The following MAGI1 variants were observed in gnomAD, a reference collection of about 807,000 sequenced individuals.
MAGI1 encodes membrane associated guanylate kinase, WW and PDZ domain containing 1, also known as membrane-associated guanylate kinase, WW and PDZ domain-containing protein 1.
MAGI1 carries 58 observed loss-of-function variants against 139.9 expected under a neutral mutation model. The ratio of observed to expected loss-of-function variants is 0.41; its 90% CI spans 0.34 to 0.52. The LOEUF is 0.52. Among genes scored for constraint, MAGI1 ranks in the 20% least tolerant of loss-of-function variants. MAGI1 has a pLI of 0.12. For missense variants in MAGI1, 1,874 were observed against 1,901.6 expected (o/e 0.99, Z 0.27); for synonymous variants, 812 against 737.9 (o/e 1.10, Z -1.63).
chr3:65,740,393 T>C (rs1381335904), intron 1 of MAGI1, among the ~76,000 whole-genome samples: 2 of 152,202 alleles, frequency 1.3e-5, no homozygotes, highest in Non-Finnish European at 2.9e-5. Context: ...GTGCTTGGAA[T>C]TGTTAATGAG....
At chr3:65,448,770 T>A (rs959203949) in intron 6 of MAGI1, among the ~76,000 whole-genome samples, 20 of 151,920 alleles carry the variant, frequency 1.3e-4, no homozygotes, top group African/African-American at 4.8e-4. Context: ...AATTAAAATG[T>A]CCTCAAAAAT....
chr3:65,622,202 C>G (rs2083712081), intron 1 of MAGI1, 114 bp from the exon 2 acceptor site: 1 of 767,116 alleles, frequency 1.3e-6, no homozygotes, highest in African/African-American at 1.7e-5. Flanking sequence ...CCTGCCACCC[C>G]TAGTCATTAG....
Position 65,356,677 on chromosome 3 carries a change from C to G in MAGI1, c.4090G>C (p.Asp1364His). ...CGTCTCCGCCGGCTGGGGGAGCCGT[C>G]TCTCCTGCGGGTGGGTGACCGCTCT... The part of the protein sequence containing the change: ...RRERSPTRRR[D>H]GSPSRRRRSL... The change falls in exon 23 of 23, where the codon GAC (aspartate) becomes CAC (histidine). Residue 1364 changes from aspartate to histidine, a missense_variant. Coordinates refer to ENST00000402939, the MANE Select transcript of MAGI1 (RefSeq NM_001033057.2). 1 of 1,586,358 alleles carries G rather than the reference C, an allele frequency of 6.3e-7. No individual in the cohort carries two copies. The highest frequency in any genetic ancestry group is 8.6e-7 in the Non-Finnish European group (1 of 1,167,390).
At chr3:65,570,687 T>C (rs1252403215) in intron 2 of MAGI1, among the ~76,000 whole-genome samples, 1 of 152,214 alleles carries the variant, frequency 6.6e-6, no homozygotes, top group Non-Finnish European at 1.5e-5. Context: ...TGGCTAAAAG[T>C]TGACCACTGT....
chr3:65,878,596 T>A (rs576862673), intron 1 of MAGI1, among the ~76,000 whole-genome samples: 20 of 151,672 alleles, frequency 1.3e-4, no homozygotes, highest in African/African-American at 4.6e-4. Flanking sequence ...TTCTCTACCA[T>A]CCTCGAATAA....
At chr3:65,803,434 G>C (rs990121789) in intron 1 of MAGI1, among the ~76,000 whole-genome samples, 3 of 151,966 alleles carry the variant, frequency 2.0e-5, no homozygotes, top group African/African-American at 7.3e-5. Context: ...TTTCCTAAAA[G>C]GAAATTTTAG....
intron 1 of MAGI1, among the ~76,000 whole-genome samples, chr3:65,703,444 T>A (rs1242182786): frequency 6.6e-6 from 1 of 152,232 alleles, no homozygotes; most frequent in African/African-American, 2.4e-5. Context: ...GTGCCCTTTC[T>A]CATTTCATTA....
intron 2 of MAGI1, among the ~76,000 whole-genome samples, chr3:65,617,251 T>C (rs2083426273): frequency 1.3e-5 from 2 of 152,192 alleles, no homozygotes; most frequent in Non-Finnish European, 2.9e-5. Flanking sequence ...TGACTTATCC[T>C]TTCCTCTTTT....
intron 1 of MAGI1, among the ~76,000 whole-genome samples, chr3:65,775,833 T>C (rs998993400): frequency 3.3e-5 from 5 of 151,696 alleles, no homozygotes; most frequent in Admixed American, 6.6e-5. Flanking sequence ...GTCCCAGCTA[T>C]GCAATGGCTG....
At chr3:65,428,509 C>G (rs11915259) in intron 12 of MAGI1, among the ~76,000 whole-genome samples, 1 of 152,016 alleles carries the variant, frequency 6.6e-6, no homozygotes, top group East Asian at 1.9e-4. Flanking sequence ...CTACTAAACG[C>G]GAGCATGTGG....
chr3:65,866,284 G>A (rs2059724432), intron 1 of MAGI1, among the ~76,000 whole-genome samples: 1 of 149,784 alleles, frequency 6.7e-6, no homozygotes, highest in African/African-American at 2.5e-5. Flanking sequence ...TGTGATCATG[G>A]CTCACTGCAT....
intron 2 of MAGI1, among the ~76,000 whole-genome samples, chr3:65,578,516 C>T (rs531251514): frequency 5.3e-4 from 80 of 152,274 alleles, no homozygotes; most frequent in Non-Finnish European, 9.1e-4. Flanking sequence ...TAGCCAATCA[C>T]TAACAAATAT....
At chr3:65,468,110 A>C (rs974326818) in intron 5 of MAGI1, among the ~76,000 whole-genome samples, 1 of 152,176 alleles carries the variant, frequency 6.6e-6, no homozygotes, top group African/African-American at 2.4e-5. Context: ...GAGATGCAAG[A>C]AGTAAACTCA....
At chr3:65,550,140 G>C (rs1296588898) in intron 2 of MAGI1, among the ~76,000 whole-genome samples, 2 of 152,102 alleles carry the variant, frequency 1.3e-5, no homozygotes, top group Non-Finnish European at 2.9e-5. Flanking sequence ...CTGCATTCAA[G>C]GGCCCTTAAG....
intron 1 of MAGI1, among the ~76,000 whole-genome samples, chr3:65,733,215 C>G: frequency 6.6e-6 from 1 of 152,020 alleles, no homozygotes; most frequent in East Asian, 1.9e-4. Flanking sequence ...CCTGCCACCA[C>G]GCCCCGCTAA....
chr3:65,495,833 A>G (rs2107678842), intron 2 of MAGI1, among the ~76,000 whole-genome samples: 1 of 152,152 alleles, frequency 6.6e-6, no homozygotes, highest in Admixed American at 6.5e-5. Flanking sequence ...GGGAAGGGAA[A>G]AGGCTTTGAT....
chr3:66,009,355 CA>C (rs1256901345), intron 1 of MAGI1, among the ~76,000 whole-genome samples: 2 of 151,980 alleles, frequency 1.3e-5, no homozygotes, highest in African/African-American at 4.8e-5. Context: ...ACTAAAAATA[CA>C]AAAATTAGCC....
chr3:65,452,038 T>C (rs1342932200), intron 6 of MAGI1, among the ~76,000 whole-genome samples: 6 of 152,128 alleles, frequency 3.9e-5, no homozygotes, highest in Non-Finnish European at 7.3e-5. Flanking sequence ...ATAATCAGTA[T>C]AGTCTATTAT....
chr3:65,757,028 C>T (rs778128779), intron 1 of MAGI1, among the ~76,000 whole-genome samples: 2 of 152,174 alleles, frequency 1.3e-5, no homozygotes, highest in Non-Finnish European at 2.9e-5. Flanking sequence ...ACTGCAGAAT[C>T]TCATAATCTA....
Sources: allele counts gnomAD v4.1 joint callset (sites outside exome capture counted in the v4.1 genomes callset), GRCh38; gene constraint gnomAD v4.1.1; transcripts MANE v1.5; gene names NCBI Gene and HGNC (gene_info 2026-07-23, HGNC 2026-07-21).